Variants in DST observed in about 807,000 individuals in gnomAD.
DST encodes dystonin, also known as bullous pemphigoid antigen.
Under a neutral mutation model 875.2 loss-of-function variants are expected in DST, and 253 were observed. That is an observed-to-expected ratio of 0.29 (90% CI 0.26 to 0.32). DST has a LOEUF of 0.32. Among genes scored for constraint, DST ranks in the 10% least tolerant of loss-of-function variants. The pLI is 1.00. For synonymous variants in DST, 3,124 were observed against 3,197.1 expected, an observed-to-expected ratio of 0.98 and a Z score of 0.77; for missense variants, 8,287 against 9,111.6, an observed-to-expected ratio of 0.91 and a Z score of 3.68.
At chr6:56,849,953 GTC>G (rs1418131506) in intron 4 of DST, among the ~76,000 whole-genome samples, 2 of 152,142 alleles carry the variant, frequency 1.3e-5, no homozygotes, top group Non-Finnish European at 2.9e-5. Context: ...TTTCTGCTGA[GTC>G]AAACATCTGG....
Position 56,518,878 on chromosome 6 carries a change from G to C in DST, c.18130-1258C>G, listed in dbSNP as rs566633504. ...ATGAGGTGGGAGAACAGGTAGGTGG[G>C]GAGAAAGATGGGTGGAGATAAGAAA... On this transcript the variant is annotated intron_variant, in intron 69 of 103. Transcript: ENST00000680361. Among the ~76,000 whole-genome samples, 5 of 152,302 alleles carry C rather than the reference G, an allele frequency of 3.3e-5. No homozygotes were observed. The South Asian group carries it at 1.0e-3, about 32-fold the overall frequency.
chr6:56,587,043 G>A (rs1308954153), intron 49 of DST, among the ~76,000 whole-genome samples: 3 of 152,168 alleles, frequency 2.0e-5, no homozygotes, highest in Non-Finnish European at 4.4e-5. Flanking sequence ...CACCAGCAAC[G>A]GAACAAAGCT....
chr6:56,494,497 G>A (rs1199199794), intron 82 of DST, among the ~76,000 whole-genome samples: 1 of 151,968 alleles, frequency 6.6e-6, no homozygotes, highest in Non-Finnish European at 1.5e-5. Flanking sequence ...TGTGAGTTTG[G>A]GCAAGTAATT....
intron 3 of DST, among the ~76,000 whole-genome samples, chr6:56,894,576 G>T (rs1789899396): frequency 1.9e-5 from 1 of 53,650 alleles, no homozygotes; most frequent in Non-Finnish European, 3.4e-5. Flanking sequence ...TGGCCGGGCA[G>T]AGGGGTCCTC....
At chr6:56,736,856 G>A (rs1448730606) in intron 4 of DST, among the ~76,000 whole-genome samples, 1 of 152,140 alleles carries the variant, frequency 6.6e-6, no homozygotes, top group Non-Finnish European at 1.5e-5. Context: ...GGCAAAAACA[G>A]ACAGTTAATC....
At chr6:56,683,326 G>A (rs540322141) in intron 9 of DST, among the ~76,000 whole-genome samples, 37 of 152,290 alleles carry the variant, frequency 2.4e-4, no homozygotes, top group African/African-American at 7.7e-4. Context: ...CTAAGCCTCC[G>A]TGTCTGGATT....
intron 2 of DST, among the ~76,000 whole-genome samples, chr6:56,952,051 C>T (rs1324005122): frequency 1.3e-5 from 2 of 152,054 alleles, no homozygotes; most frequent in Non-Finnish European, 2.9e-5. Flanking sequence ...AGTGGGGATA[C>T]AGCCCTAAAC....
At chr6:56,536,229 A>G (rs1336643901) in intron 62 of DST, among the ~76,000 whole-genome samples, 1 of 152,246 alleles carries the variant, frequency 6.6e-6, no homozygotes, top group East Asian at 1.9e-4. Flanking sequence ...GAATTTAGAA[A>G]AAGGTTGGAC....
At chr6:56,532,064 G>A (rs1584246433) in intron 64 of DST, among the ~76,000 whole-genome samples, 1 of 152,126 alleles carries the variant, frequency 6.6e-6, no homozygotes, top group Non-Finnish European at 1.5e-5. Flanking sequence ...ACCTAACTCT[G>A]TGCCTGATGC....
chr6:56,505,418 G>A (rs1177902830), intron 77 of DST, among the ~76,000 whole-genome samples: 3 of 150,704 alleles, frequency 2.0e-5, no homozygotes, highest in African/African-American at 7.3e-5. Flanking sequence ...TCACAGACTG[G>A]AGCCCGAATT....
chr6:56,596,141 G>A (rs979743795), intron 47 of DST, among the ~76,000 whole-genome samples: 1 of 151,988 alleles, frequency 6.6e-6, no homozygotes, highest in Non-Finnish European at 1.5e-5. Context: ...CGATTCTCCT[G>A]CCTCAGTCTC....
At chr6:56,554,158 C>A (rs563344500) in intron 60 of DST, among the ~76,000 whole-genome samples, 1 of 139,040 alleles carries the variant, frequency 7.2e-6, no homozygotes, top group Non-Finnish European at 1.5e-5. Flanking sequence ...TATCTCAGCT[C>A]ACTGCAAGCT....
intron 2 of DST, among the ~76,000 whole-genome samples, chr6:56,915,494 A>G (rs531244573): frequency 3.8e-4 from 58 of 152,196 alleles, no homozygotes; most frequent in Non-Finnish European, 7.5e-4. Flanking sequence ...AGGAAAGTCA[A>G]CTGAGATAGA....
chr6:56,734,558 C>G (rs1416097423), intron 5 of DST, among the ~76,000 whole-genome samples: 1 of 152,120 alleles, frequency 6.6e-6, no homozygotes, highest in Non-Finnish European at 1.5e-5. Context: ...TTGTGAAATC[C>G]TAAGGGTTCC....
Position 56,494,135 on chromosome 6 carries a change from G to C in DST, c.20269C>G (p.Leu6757Val). 1.2e-6 allele frequency: 2 copies of C among 1,611,184 alleles called. No individual in the cohort carries two copies. The highest frequency in any genetic ancestry group is 1.7e-6 in the Non-Finnish European group (2 of 1,178,220). Residue 6757 changes from leucine to valine, a missense_variant, in exon 83 of 104, where the codon CTG becomes GTG. This residue lies in a region of DST where 1,292 missense variants were observed against 1,552.7 expected (regional missense o/e 0.83). Coordinates refer to ENST00000680361, the MANE Select transcript of DST (RefSeq NM_001374736.1). Reference sequence around the variant, plus strand: ...AGCATCTGCTGGCCTTTCTGCATCAGACTCTTATATGTTTCTTCTTTAGCT... The same window carrying C: ...AGCATCTGCTGGCCTTTCTGCATCACACTCTTATATGTTTCTTCTTTAGCT... The part of the protein sequence containing the change: ...FEAKEETYKS[L>V]MQKGQQMLAR...
intron 5 of DST, among the ~76,000 whole-genome samples, chr6:56,732,221 G>C (rs1246315703): frequency 6.6e-6 from 1 of 152,132 alleles, no homozygotes; most frequent in Non-Finnish European, 1.5e-5. Context: ...ATGAGACCAT[G>C]GTTTGAAAAT....
chr6:56,507,683 C>T (rs771309928), intron 75 of DST, among the ~76,000 whole-genome samples: 5 of 152,108 alleles, frequency 3.3e-5, no homozygotes, highest in South Asian at 4.2e-4. Flanking sequence ...TTTTGGGAAA[C>T]GCCCTTTCTA....
chr6:56,772,293 A>G (rs964614122), intron 4 of DST, among the ~76,000 whole-genome samples: 15 of 152,256 alleles, frequency 9.9e-5, no homozygotes, highest in African/African-American at 3.6e-4. Flanking sequence ...GTGATGGAAA[A>G]TAAGAACTAA....
chr6:56,799,625 G>C (rs2099744421), intron 4 of DST, among the ~76,000 whole-genome samples: 1 of 149,972 alleles, frequency 6.7e-6, no homozygotes, highest in Non-Finnish European at 1.5e-5. Flanking sequence ...TGTTTGTTTG[G>C]TTTTGTTTTT....
Sources: gnomAD v4.1 joint callset for allele counts (sites outside exome capture counted in the v4.1 genomes callset) on GRCh38, gnomAD v4.1.1 for gene constraint, gnomAD v4.1.1 regional missense constraint, MANE v1.5 for transcripts, NCBI Gene and HGNC (gene_info 2026-07-23, HGNC 2026-07-21) for gene names.